PRSS55: variants seen among roughly 807,000 people sequenced by gnomAD.
PRSS55 encodes probable serine protease UNQ9391/PRO34284.
A neutral mutation model predicts 23.6 loss-of-function variants in PRSS55; 41 were observed. The observed-to-expected ratio is 1.74, with a 90% CI of 1.35 to 2.26. The LOEUF (loss-of-function observed/expected upper bound fraction) is 2.26, where lower values mean the gene tolerates loss of function less well. Among genes scored for constraint, PRSS55 ranks in the 30% most tolerant of loss-of-function variants. The pLI is 0.00. For synonymous variants in PRSS55, 262 were observed against 175.5 expected, an observed-to-expected ratio of 1.49 and a Z score of -3.90; for missense variants, 669 against 439.1, an observed-to-expected ratio of 1.52 and a Z score of -4.68.
At chr8:10,529,007 C>G (rs1233787219) in intron 1 of PRSS55, among the ~76,000 whole-genome samples, 4 of 152,186 alleles carry the variant, frequency 2.6e-5, no homozygotes, top group Non-Finnish European at 5.9e-5. Context: ...ACTGGCCCCT[C>G]AGAAAAGCCA....
In PRSS55 at chr8:10,531,401, A is replaced by G; in HGVS notation, c.454A>G (p.Asn152Asp). The change falls in exon 3 of 5, where the codon AAC becomes GAC. Residue 152 changes from asparagine (N) to aspartate (D), a missense_variant. Asn to Asp is a conservative substitution (Grantham distance 23, BLOSUM62 1). Coordinates refer to ENST00000328655, the MANE Select transcript of PRSS55 (RefSeq NM_198464.4). Reference protein sequence around the residue: ...IILHKDFKRANMDNDIALLLL... With the variant: ...IILHKDFKRADMDNDIALLLL... Reference sequence around the variant, plus strand: ...TCTTCACAAAGACTTTAAGAGAGCCAACATGGACAATGACATTGCCTTGCT... The same window carrying G: ...TCTTCACAAAGACTTTAAGAGAGCCGACATGGACAATGACATTGCCTTGCT... The G allele has an allele frequency of 6.2e-7, 1 of 1,614,248 alleles. No individual in the cohort carries two copies.
intron 4 of PRSS55, among the ~76,000 whole-genome samples, chr8:10,553,114 G>C (rs74590810): frequency 6.6e-6 from 1 of 152,130 alleles, no homozygotes; most frequent in Non-Finnish European, 1.5e-5. Context: ...CATGAGGGCA[G>C]TTTTCCATAT....
downstream of PRSS55, chr8:10,538,857 GCT>G (rs1417478410): frequency 6.9e-7 from 1 of 1,441,198 alleles, no homozygotes; most frequent in Admixed American, 2.3e-5. Context: ...TCCAGCAGAG[GCT>G]CTGTCTGCAG....
intron 2 of PRSS55, among the ~76,000 whole-genome samples, chr8:10,530,625 A>G (rs1192262533): frequency 6.6e-6 from 1 of 152,178 alleles, no homozygotes; most frequent in Non-Finnish European, 1.5e-5. Flanking sequence ...TCTAGTATAT[A>G]GAGACAGAAT....
downstream of PRSS55, among the ~76,000 whole-genome samples, chr8:10,542,419 GAAAAAAAAAA>G (rs1554584731): frequency 3.0e-5 from 4 of 133,504 alleles, no homozygotes; most frequent in African/African-American, 1.2e-4. Context: ...CCATGCGGGG[GAAAAAAAAAA>G]AAAAAAGCTA....
downstream of PRSS55, among the ~76,000 whole-genome samples, chr8:10,542,638 C>T (rs762234859): frequency 1.3e-5 from 2 of 151,734 alleles, no homozygotes; most frequent in Non-Finnish European, 2.9e-5. Context: ...GAGGCTGAGG[C>T]AGGTGGATCA....
chr8:10,535,723 TA>T (rs1284375295), intron 4 of PRSS55, among the ~76,000 whole-genome samples: 1 of 152,164 alleles, frequency 6.6e-6, no homozygotes, highest in African/African-American at 2.4e-5. Context: ...TTGGCCCAAT[TA>T]AACTAAAGAG....
At chr8:10,527,223 T>A (rs966480439) in intron 1 of PRSS55, among the ~76,000 whole-genome samples, 3 of 152,250 alleles carry the variant, frequency 2.0e-5, no homozygotes, top group Admixed American at 2.0e-4. Flanking sequence ...TGAGAAGTAG[T>A]TGATGATATG....
At position 10,529,352 on chromosome 8, in the gene PRSS55, G is replaced by A. The variant is rs1418841189; in HGVS notation, c.155-155G>A. The A allele has an allele frequency of 3.7e-5, 27 of 731,472 alleles. No individual in the cohort carries two copies. The Admixed American group carries it at 3.7e-4, about 10-fold the overall frequency. 45.3% of individuals were successfully genotyped at this position (731,472 alleles called of 1,614,324 possible). On this transcript the variant is annotated intron_variant, in intron 1 of 4. Coordinates refer to ENST00000328655, the MANE Select transcript of PRSS55 (RefSeq NM_198464.4). ...ACCATCTGCCGGCTGATGTCACAAG[G>A]GCTGCCCCGCTCGGCAGCCTCAGTG... is the stretch of plus-strand genomic sequence containing the variant.
chr8:10,549,360 G>C (rs1234550546), intron 4 of PRSS55, among the ~76,000 whole-genome samples: 1 of 152,180 alleles, frequency 6.6e-6, no homozygotes. Context: ...CCAGTGCCCC[G>C]GTGGGAGATG....
rs1431132450 is a variant in PRSS55, at chr8:10,538,518, G to T, written c.784G>T (p.Glu262Ter). 5 of 1,614,118 alleles carry T rather than the reference G, an allele frequency of 3.1e-6. No homozygotes were observed. The South Asian group carries it at 4.4e-5, about 14-fold the overall frequency. ...TCTGGTCTGCACCCCAGAGCCTGGTGAGAAGTGGTACCAGGTGGGCATCAT... is the reference window on the plus strand; with the variant it reads ...TCTGGTCTGCACCCCAGAGCCTGGTTAGAAGTGGTACCAGGTGGGCATCAT... ...GPLVCTPEPG[E>*]KWYQVGIISW... The change falls in exon 5 of 5, where the codon GAG becomes TAG. Residue 262 changes from glutamate (E) to a stop codon, truncating the protein, a stop_gained. Coordinates refer to ENST00000328655, the MANE Select transcript of PRSS55 (RefSeq NM_198464.4). LOFTEE classifies it low-confidence loss of function (END_TRUNC).
downstream of PRSS55, chr8:10,538,949 A>C (rs928517480): frequency 1.6e-6 from 1 of 643,236 alleles, no homozygotes; most frequent in Non-Finnish European, 2.5e-6. Context: ...TGGGGACTGC[A>C]CTTTGGGTCT....
chr8:10,529,735 G>T (rs1212219372), intron 2 of PRSS55, 36 bp downstream of exon 2: 1 of 1,590,018 alleles, frequency 6.3e-7, no homozygotes, highest in African/African-American at 1.3e-5. Context: ...CACCTCTCAG[G>T]GCGCCCACCC....
downstream of PRSS55, among the ~76,000 whole-genome samples, chr8:10,543,481 T>TTTA (rs1554584969): frequency 5.1e-5 from 1 of 19,768 alleles, no homozygotes; most frequent in Non-Finnish European, 2.0e-4. Context: ...TCTTTCTCTC[T>TTTA]TTTTTTTTTT....
intron 4 of PRSS55, among the ~76,000 whole-genome samples, chr8:10,549,921 T>C (rs932223815): frequency 1.7e-4 from 26 of 152,174 alleles, no homozygotes; most frequent in Admixed American, 1.6e-3. Flanking sequence ...GTCATTTTTA[T>C]CTTTTATTTT....
In PRSS55 at chr8:10,553,102, A is replaced by C. The variant is rs187148206; in HGVS notation, c.742-841A>C. ...GTGGGACCTGGTGGGAAGTGATCGGATCATGAGGGCAGTTTTCCATATGCT... is the reference window on the plus strand; with the variant it reads ...GTGGGACCTGGTGGGAAGTGATCGGCTCATGAGGGCAGTTTTCCATATGCT... On this transcript the variant is annotated intron_variant, in intron 4 of 4. Transcript: ENST00000522210. Among the ~76,000 whole-genome samples, 114 of 152,296 alleles carry C rather than the reference A, an allele frequency of 7.5e-4. 1 individual carries two copies. In the Middle Eastern group the frequency reaches 0.014, roughly 18 times the overall value.
At position 10,531,494 on chromosome 8, in the gene PRSS55, C is replaced by T; in HGVS notation, c.547C>T (p.Pro183Ser). 1.9e-6 allele frequency: 3 copies of T among 1,613,966 alleles called. No individual in the cohort carries two copies. In the East Asian group the frequency reaches 6.7e-5, roughly 36 times the overall value. ...CATCTGCCTCCCCACGCAGCCCGGC[C>T]CTGCCACATGGCGCGAATGCTGGGT... is the stretch of plus-strand genomic sequence containing the variant. Reference protein sequence around the residue: ...VPICLPTQPGPATWRECWVAG... With the variant: ...VPICLPTQPGSATWRECWVAG... The change falls in exon 3 of 5, where the codon CCT becomes TCT. Residue 183 changes from proline to serine, a missense_variant. By Grantham distance (74) the Pro-to-Ser change is moderately conservative (BLOSUM62 -1). Transcript: ENST00000328655.
At chr8:10,553,993 A>G in exon 5 of PRSS55, 1 of 1,532,724 alleles carries the variant, frequency 6.5e-7, no homozygotes, top group East Asian at 2.4e-5. Flanking sequence ...GCTCTCAAAC[A>G]AAGCCGCCTG....
intron 1 of PRSS55, among the ~76,000 whole-genome samples, chr8:10,528,516 C>A (rs1213448084): frequency 6.6e-6 from 1 of 152,220 alleles, no homozygotes; most frequent in African/African-American, 2.4e-5. Context: ...AGGAGCTGGA[C>A]CCGGCCTCTG....
Sources: allele counts gnomAD v4.1 joint callset (sites outside exome capture counted in the v4.1 genomes callset), GRCh38; gene constraint gnomAD v4.1.1; transcripts MANE v1.5; gene names NCBI Gene and HGNC (gene_info 2026-07-23, HGNC 2026-07-21).